SPART: variants seen among roughly 807,000 people sequenced by gnomAD.
The protein encoded by SPART is spartin.
A neutral mutation model predicts 58.7 loss-of-function variants in SPART; 35 were observed. The ratio of observed to expected loss-of-function variants is 0.60; its 90% CI spans 0.46 to 0.79. The LOEUF (loss-of-function observed/expected upper bound fraction) is 0.79. Ranked by LOEUF, SPART falls within the 30% of genes least tolerant of loss-of-function variation. The pLI, the probability that SPART is intolerant of heterozygous loss-of-function variation, is 0.00. For missense variants in SPART, 730 were observed against 786.1 expected (o/e 0.93, Z 0.85); for synonymous variants, 284 against 280.7 (o/e 1.01, Z -0.12).
intron 2 of SPART, among the ~76,000 whole-genome samples, chr13:36,334,814 A>T (rs572235317): frequency 6.6e-6 from 1 of 152,296 alleles, no homozygotes; most frequent in East Asian, 1.9e-4. Context: ...TAATACCAAA[A>T]TAAAACTATT....
intron 1 of SPART, among the ~76,000 whole-genome samples, chr13:36,345,917 C>T (rs971325695): frequency 1.4e-4 from 21 of 152,254 alleles, no homozygotes; most frequent in African/African-American, 5.1e-4. Flanking sequence ...CGAAAGGACT[C>T]CGCGATAGGA....
intron 8 of SPART, among the ~76,000 whole-genome samples, chr13:36,305,649 A>G (rs1880444249): frequency 6.6e-6 from 1 of 152,186 alleles, no homozygotes; most frequent in African/African-American, 2.4e-5. Flanking sequence ...TAATAATAAT[A>G]TCTGCATTTA....
At chr13:36,350,285 G>A (rs200632869), upstream of SPART, among the ~76,000 whole-genome samples, 4 of 152,188 alleles carry the variant, frequency 2.6e-5, no homozygotes, top group East Asian at 7.7e-4. Flanking sequence ...AAGTTATGCC[G>A]GTGAACACTT....
chr13:36,315,724 T>C (rs1803001600), intron 5 of SPART, among the ~76,000 whole-genome samples: 2 of 152,172 alleles, frequency 1.3e-5, no homozygotes, highest in Non-Finnish European at 2.9e-5. Context: ...AAAAAAATTA[T>C]CTTTTTAGAT....
chr13:36,341,207 T>C (rs1884547824), intron 1 of SPART, among the ~76,000 whole-genome samples: 1 of 152,278 alleles, frequency 6.6e-6, no homozygotes, highest in East Asian at 1.9e-4. Context: ...ATGTGTATGA[T>C]AGAAAATTTA....
At chr13:36,356,339 G>A (rs1885621441) in intron 1 of SPART, among the ~76,000 whole-genome samples, 1 of 152,206 alleles carries the variant, frequency 6.6e-6, no homozygotes, top group Non-Finnish European at 1.5e-5. Flanking sequence ...AAGCAGAATA[G>A]CTGTATGTCA....
intron 4 of SPART, among the ~76,000 whole-genome samples, chr13:36,328,518 T>C (rs1883169378): frequency 1.3e-5 from 2 of 152,194 alleles, no homozygotes; most frequent in South Asian, 4.1e-4. Flanking sequence ...CACACTTATC[T>C]GTTAGGCTAG....
intron 8 of SPART, among the ~76,000 whole-genome samples, chr13:36,305,956 T>C (rs927490753): frequency 2.0e-5 from 3 of 152,172 alleles, no homozygotes; most frequent in African/African-American, 7.2e-5. Flanking sequence ...TATTACTAAA[T>C]AGCCTGGCCT....
intron 1 of SPART, among the ~76,000 whole-genome samples, chr13:36,343,494 T>C (rs1218545239): frequency 2.0e-5 from 3 of 152,176 alleles, no homozygotes; most frequent in African/African-American, 7.2e-5. Context: ...ATCAATACCA[T>C]GTGGGAAACT....
chr13:36,308,920 A>G (rs1360240946), intron 8 of SPART, among the ~76,000 whole-genome samples: 1 of 152,166 alleles, frequency 6.6e-6, no homozygotes, highest in Non-Finnish European at 1.5e-5. Context: ...TTTGAGATCT[A>G]TTGTATGTTT....
At chr13:36,357,262 A>C (rs1469849078) in intron 1 of SPART, among the ~76,000 whole-genome samples, 1 of 152,244 alleles carries the variant, frequency 6.6e-6, no homozygotes, top group East Asian at 1.9e-4. Context: ...GCATGAGTGA[A>C]ACTTTTGTAA....
intron 1 of SPART, among the ~76,000 whole-genome samples, chr13:36,358,218 A>C (rs1885697143): frequency 1.3e-5 from 2 of 151,700 alleles, no homozygotes; most frequent in South Asian, 4.2e-4. Context: ...CTTCCCAGAA[A>C]CTCTTGTTTT....
intron 1 of SPART, among the ~76,000 whole-genome samples, chr13:36,358,058 A>G (rs1885689117): frequency 6.6e-6 from 1 of 152,202 alleles, no homozygotes; most frequent in Admixed American, 6.5e-5. Context: ...CAGGAACACA[A>G]TACTAAACAG....
At chr13:36,318,335 A>G (rs1324433994) in intron 5 of SPART, among the ~76,000 whole-genome samples, 1 of 152,138 alleles carries the variant, frequency 6.6e-6, no homozygotes, top group Non-Finnish European at 1.5e-5. Context: ...TTTATCCCAA[A>G]TCAGATAGCG....
chr13:36,314,880 C>G (rs1471200275), intron 5 of SPART, among the ~76,000 whole-genome samples: 1 of 152,114 alleles, frequency 6.6e-6, no homozygotes, highest in Non-Finnish European at 1.5e-5. Context: ...AAATGGAAAC[C>G]AAAGAAACTG....
intron 1 of SPART, among the ~76,000 whole-genome samples, chr13:36,361,877 T>A (rs1394209207): frequency 2.0e-4 from 30 of 152,250 alleles, no homozygotes; most frequent in Non-Finnish European, 5.9e-5. Flanking sequence ...ATTTTTGCTC[T>A]TTGGTTTTAA....
At chr13:36,369,681 A>G (rs897523839) in intron 1 of SPART, 2 of 152,224 alleles carry the variant, frequency 1.3e-5, no homozygotes, top group Admixed American at 1.3e-4. Context: ...TAAAGTAACA[A>G]ACAAAGGAGT....
intron 1 of SPART, among the ~76,000 whole-genome samples, chr13:36,358,621 A>G (rs1885715746): frequency 6.6e-6 from 1 of 152,194 alleles, no homozygotes; most frequent in Non-Finnish European, 1.5e-5. Context: ...AGTTTAATTT[A>G]TATGTAGAGA....
At chr13:36,340,467 C>A (rs1444258568) in intron 1 of SPART, among the ~76,000 whole-genome samples, 1 of 151,792 alleles carries the variant, frequency 6.6e-6, no homozygotes, top group Non-Finnish European at 1.5e-5. Flanking sequence ...CTTTAAAATA[C>A]TTACACACAA....
Sources: allele counts gnomAD v4.1 joint callset (sites outside exome capture counted in the v4.1 genomes callset), GRCh38; gene constraint gnomAD v4.1.1; transcripts MANE v1.5; gene names NCBI Gene and HGNC (gene_info 2026-07-23, HGNC 2026-07-21).